The following DISC1 variants were observed in gnomAD, a reference collection of about 807,000 sequenced individuals.
DISC1 encodes the protein disrupted in schizophrenia 1 protein.
In DISC1, 57 loss-of-function variants were observed where a neutral mutation model predicts 84.5. The ratio of observed to expected loss-of-function variants is 0.67; its 90% CI spans 0.55 to 0.84. DISC1 has a LOEUF of 0.84. Ranked by LOEUF, DISC1 falls within the 40% of genes least tolerant of loss-of-function variation. The pLI, the probability that DISC1 is intolerant of heterozygous loss-of-function variation, is 0.00. For missense variants in DISC1, 1,000 were observed against 1,057.8 expected, an observed-to-expected ratio of 0.95 and a Z score of 0.76; for synonymous variants, 411 against 415.2, an observed-to-expected ratio of 0.99 and a Z score of 0.12.
chr1:232,018,979 T>C (rs1455950331), intron 11 of DISC1, among the ~76,000 whole-genome samples: 1 of 152,192 alleles, frequency 6.6e-6, no homozygotes, highest in East Asian at 1.9e-4. Flanking sequence ...CTCTTGGAAG[T>C]GTAGTCTGAA....
At chr1:231,729,790 T>G (rs984792921) in intron 3 of DISC1, among the ~76,000 whole-genome samples, 1 of 151,848 alleles carries the variant, frequency 6.6e-6, no homozygotes, top group African/African-American at 2.4e-5. Context: ...TGCTGCCATG[T>G]CATTAGCCAG....
chr1:231,888,208 C>T (rs550328368), intron 9 of DISC1, among the ~76,000 whole-genome samples: 4 of 152,068 alleles, frequency 2.6e-5, no homozygotes, highest in East Asian at 3.9e-4. Flanking sequence ...AGTTCTTATG[C>T]GATAGTGGAC....
intron 9 of DISC1, among the ~76,000 whole-genome samples, chr1:231,878,342 G>A (rs149209944): frequency 2.1e-4 from 32 of 152,306 alleles, no homozygotes; most frequent in African/African-American, 6.7e-4. Flanking sequence ...CCGCCCTGAG[G>A]AAGTGACAAG....
At chr1:231,886,766 C>CTTTCTTTCCTT (rs2086723179) in intron 9 of DISC1, among the ~76,000 whole-genome samples, 6 of 84,380 alleles carry the variant, frequency 7.1e-5, no homozygotes, top group African/African-American at 2.8e-4. Context: ...TTCCTTCCTT[C>CTTTCTTTCCTT]CTTTCTTTCT....
intron 3 of DISC1, among the ~76,000 whole-genome samples, chr1:231,735,565 A>G (rs1048204802): frequency 2.6e-5 from 4 of 152,362 alleles, no homozygotes; most frequent in Middle Eastern, 3.4e-3. Context: ...TTTTGGAGTC[A>G]GACAGACCTT....
intron 10 of DISC1, among the ~76,000 whole-genome samples, chr1:231,992,015 C>G (rs1665271613): frequency 1.3e-5 from 2 of 152,044 alleles, no homozygotes; most frequent in Admixed American, 1.3e-4. Flanking sequence ...GTGGCTGATT[C>G]CAATTTTCTC....
chr1:231,850,345 G>A (rs1433019483), intron 9 of DISC1, among the ~76,000 whole-genome samples: 4 of 152,200 alleles, frequency 2.6e-5, no homozygotes, highest in Non-Finnish European at 5.9e-5. Flanking sequence ...TACCAATGAC[G>A]CCAGAGTTGA....
intron 9 of DISC1, among the ~76,000 whole-genome samples, chr1:231,950,332 A>C (rs922591036): frequency 2.0e-5 from 3 of 152,030 alleles, no homozygotes; most frequent in African/African-American, 7.3e-5. Context: ...TAGGTAAGAC[A>C]GTAAATAGGC....
At chr1:231,964,245 T>C (rs1471716461) in intron 10 of DISC1, among the ~76,000 whole-genome samples, 1 of 152,152 alleles carries the variant, frequency 6.6e-6, no homozygotes, top group East Asian at 1.9e-4. Context: ...TGAATAAATA[T>C]GTGAATTAAT....
chr1:231,813,384 A>G (rs186916952), intron 8 of DISC1: 2 of 152,310 alleles, frequency 1.3e-5, no homozygotes, highest in Non-Finnish European at 2.9e-5. Context: ...ATTGGAAGGT[A>G]CAACATTGTA....
At chr1:232,030,224 TC>T (rs1183401369) in intron 12 of DISC1, among the ~76,000 whole-genome samples, 1 of 152,196 alleles carries the variant, frequency 6.6e-6, no homozygotes, top group Non-Finnish European at 1.5e-5. Context: ...TCATCTGGGG[TC>T]CTAATTAGCA....
At chr1:231,980,860 C>G (rs1181472513) in intron 10 of DISC1, among the ~76,000 whole-genome samples, 1 of 152,054 alleles carries the variant, frequency 6.6e-6, no homozygotes, top group Admixed American at 6.6e-5. Flanking sequence ...TCTTCTCAAC[C>G]CAAAGAAAGC....
intron 9 of DISC1, among the ~76,000 whole-genome samples, chr1:231,844,108 G>A (rs2083278161): frequency 6.6e-6 from 1 of 152,188 alleles, no homozygotes; most frequent in African/African-American, 2.4e-5. Context: ...GAGTGTGTGA[G>A]GAGCACGGAT....
chr1:232,014,318 T>C (rs1178166583), intron 11 of DISC1, among the ~76,000 whole-genome samples: 1 of 152,210 alleles, frequency 6.6e-6, no homozygotes, highest in Non-Finnish European at 1.5e-5. Flanking sequence ...GATCTCTTGA[T>C]ATCTCTCCCA....
chr1:231,962,828 C>T (rs897872258), intron 10 of DISC1, among the ~76,000 whole-genome samples: 5 of 152,172 alleles, frequency 3.3e-5, no homozygotes, highest in African/African-American at 7.2e-5. Flanking sequence ...GCACGGCCCA[C>T]CACCCACCTG....
At chr1:231,852,325 A>G (rs1185668167) in intron 9 of DISC1, among the ~76,000 whole-genome samples, 1 of 152,096 alleles carries the variant, frequency 6.6e-6, no homozygotes, top group East Asian at 1.9e-4. Flanking sequence ...GAGCTTATTT[A>G]TCTCAGGTTT....
At chr1:231,704,317 G>A (rs199735700) in intron 3 of DISC1, among the ~76,000 whole-genome samples, 2 of 152,178 alleles carry the variant, frequency 1.3e-5, no homozygotes, top group African/African-American at 4.8e-5. Flanking sequence ...GCAGTGCCCA[G>A]GATGGGGGGT....
intron 9 of DISC1, among the ~76,000 whole-genome samples, chr1:231,829,922 G>A (rs959772101): frequency 1.4e-4 from 22 of 152,108 alleles, no homozygotes; most frequent in African/African-American, 5.1e-4. Context: ...TGAGCCAGGA[G>A]AAGGAATTTC....
At chr1:231,801,620 G>C (rs1015142205) in intron 8 of DISC1, among the ~76,000 whole-genome samples, 4 of 152,156 alleles carry the variant, frequency 2.6e-5, no homozygotes, top group African/African-American at 4.8e-5. Context: ...TGGTTGCTCT[G>C]TATGCTCTTT....
Sources: gnomAD v4.1 joint callset for allele counts (sites outside exome capture counted in the v4.1 genomes callset) on GRCh38, gnomAD v4.1.1 for gene constraint, MANE v1.5 for transcripts, NCBI Gene and HGNC (gene_info 2026-07-23, HGNC 2026-07-21) for gene names.